The following EXOC4 variants were observed in gnomAD, a reference collection of about 807,000 sequenced individuals.
EXOC4 encodes the protein exocyst complex component 4, also known as SEC8-like 1.
A neutral mutation model predicts 107.2 loss-of-function variants in EXOC4; 71 were observed. That is an observed-to-expected ratio of 0.66 (90% CI 0.55 to 0.81). The LOEUF is 0.81. EXOC4 is among the 30% of genes least tolerant of loss of function. The pLI is 0.00. For missense variants in EXOC4, 1,108 were observed against 1,189.6 expected (o/e 0.93, Z 1.01); for synonymous variants, 456 against 441.2 (o/e 1.03, Z -0.42).
At chr7:133,871,581 T>G (rs1798753333) in intron 11 of EXOC4, among the ~76,000 whole-genome samples, 1 of 152,146 alleles carries the variant, frequency 6.6e-6, no homozygotes, top group South Asian at 2.1e-4. Context: ...CTAGGCTGCC[T>G]CTCCCTCCAT....
chr7:133,470,343 G>GT (rs1798840456), intron 7 of EXOC4, among the ~76,000 whole-genome samples: 1 of 152,170 alleles, frequency 6.6e-6, no homozygotes, highest in African/African-American at 2.4e-5. Flanking sequence ...ATGTTAGCAA[G>GT]TTATAAATCT....
intron 14 of EXOC4, among the ~76,000 whole-genome samples, chr7:133,969,945 G>A (rs1285109217): frequency 1.3e-5 from 2 of 152,218 alleles, no homozygotes; most frequent in African/African-American, 4.8e-5. Flanking sequence ...TTTTCCCACA[G>A]CTGCCCCTTC....
chr7:133,595,933 A>G (rs1485911475), intron 9 of EXOC4, among the ~76,000 whole-genome samples: 2 of 152,152 alleles, frequency 1.3e-5, no homozygotes, highest in Non-Finnish European at 2.9e-5. Context: ...GCCAAATACC[A>G]GATTCTGGCA....
the EXOC4 span, among the ~76,000 whole-genome samples, chr7:134,097,374 G>GAAA: frequency 1.4e-5 from 2 of 143,376 alleles, no homozygotes; most frequent in Admixed American, 6.9e-5. Flanking sequence ...GTTACAGATA[G>GAAA]AAAAAAAAAA....
chr7:133,915,228 G>A (rs1164443367), intron 12 of EXOC4, among the ~76,000 whole-genome samples: 2 of 128,714 alleles, frequency 1.6e-5, no homozygotes, highest in Non-Finnish European at 3.2e-5. Context: ...GGAATGCAGG[G>A]AAGAGATTCA....
the EXOC4 span, among the ~76,000 whole-genome samples, chr7:134,078,989 G>A: frequency 2.0e-5 from 3 of 152,160 alleles, no homozygotes; most frequent in South Asian, 2.1e-4. Flanking sequence ...TACATCATTC[G>A]CCCCACATCC....
intron 5 of EXOC4, among the ~76,000 whole-genome samples, chr7:133,321,732 T>C (rs1043191411): frequency 1.3e-5 from 2 of 152,242 alleles, no homozygotes; most frequent in Non-Finnish European, 2.9e-5. Flanking sequence ...TCTTTGGGTA[T>C]ATACCCAGTA....
intron 10 of EXOC4, among the ~76,000 whole-genome samples, chr7:133,776,535 A>G (rs2151167954): frequency 6.6e-6 from 1 of 152,322 alleles, no homozygotes; most frequent in East Asian, 1.9e-4. Flanking sequence ...CAGAATGTGA[A>G]TGATGGGTTG....
At chr7:133,421,863 T>C (rs1797615234) in intron 7 of EXOC4, among the ~76,000 whole-genome samples, 1 of 152,190 alleles carries the variant, frequency 6.6e-6, no homozygotes, top group African/African-American at 2.4e-5. Flanking sequence ...TGAATAGTCA[T>C]TGAGCATTTT....
At chr7:133,344,026 A>G (rs1795728450) in intron 5 of EXOC4, among the ~76,000 whole-genome samples, 1 of 152,076 alleles carries the variant, frequency 6.6e-6, no homozygotes, top group Admixed American at 6.6e-5. Flanking sequence ...TATGTTGCCC[A>G]GAATGGTCTC....
At chr7:133,499,388 T>C (rs562012472) in intron 9 of EXOC4, among the ~76,000 whole-genome samples, 28 of 152,270 alleles carry the variant, frequency 1.8e-4, no homozygotes, top group Middle Eastern at 3.4e-3. Flanking sequence ...GTAGCTTAGG[T>C]ATTTTCCCTT....
chr7:133,895,822 C>T, intron 12 of EXOC4, 87 bp downstream of exon 12: 1 of 1,402,822 alleles, frequency 7.1e-7, no homozygotes, highest in Non-Finnish European at 9.8e-7. Context: ...AGCCTAATTT[C>T]CAAAAGGATC....
chr7:133,596,341 G>A (rs561767872), intron 9 of EXOC4, among the ~76,000 whole-genome samples: 1 of 152,264 alleles, frequency 6.6e-6, no homozygotes, highest in African/African-American at 2.4e-5. Flanking sequence ...GGCTAACTTT[G>A]TTTTACAACT....
chr7:133,904,123 G>C (rs1391432733), intron 12 of EXOC4, among the ~76,000 whole-genome samples: 2 of 152,182 alleles, frequency 1.3e-5, no homozygotes, highest in African/African-American at 4.8e-5. Context: ...TGGCATAGTG[G>C]CTGGAGAAAT....
Position 133,286,303 on chromosome 7 carries a change from A to G in EXOC4, c.277-2619A>G, listed in dbSNP as rs139443329. On this transcript the variant is annotated intron_variant, in intron 2 of 17. Transcript: ENST00000253861. The stretch of plus-strand genomic sequence containing the variant: ...TTTTAATTTCTAATAGTTGTTTTTC[A>G]TTTCTTGAAAATGTTTATATCGTCC... Among the ~76,000 whole-genome samples, 548 of 152,052 alleles carry G rather than the reference A, an allele frequency of 3.6e-3. 5 individuals are homozygous for G. The highest frequency in any genetic ancestry group is 0.012 in the African/African-American group (513 of 41,482).
Position 133,885,562 on chromosome 7 carries a change from AG to A in EXOC4, c.1735-10036del, listed in dbSNP as rs1300907078. Among the ~76,000 whole-genome samples the A allele has an allele frequency of 1.0e-3, 155 of 152,332 alleles. 2 individuals carry two copies. Among genetic ancestry groups the A allele is most frequent in the Admixed American group, 9.3e-3 (143 of 15,302 alleles). On this transcript the variant is annotated intron_variant, in intron 11 of 17. Coordinates refer to ENST00000253861, the MANE Select transcript of EXOC4 (RefSeq NM_021807.4). Reference sequence around the variant, plus strand: ...ACAGGAATTAGCAGCCTAGTGGAAGAGATAGCCAATTGAACCAGTGATTACC... The same window carrying A: ...ACAGGAATTAGCAGCCTAGTGGAAGAATAGCCAATTGAACCAGTGATTACC...
At chr7:133,492,737 G>T (rs1799395905) in intron 9 of EXOC4, among the ~76,000 whole-genome samples, 1 of 151,794 alleles carries the variant, frequency 6.6e-6, no homozygotes. Context: ...TTTATTCCTT[G>T]ATGTACCCTG....
At chr7:133,288,006 G>C (rs1482627492) in intron 2 of EXOC4, among the ~76,000 whole-genome samples, 1 of 152,270 alleles carries the variant, frequency 6.6e-6, no homozygotes, top group East Asian at 1.9e-4. Context: ...GTACACTTGA[G>C]ATGCATTCAT....
At position 133,782,568 on chromosome 7, in the gene EXOC4, T is replaced by A. The variant is rs143011393; in HGVS notation, c.1515-34757T>A. On this transcript the variant is annotated intron_variant, in intron 10 of 17. Coordinates refer to ENST00000253861, the MANE Select transcript of EXOC4 (RefSeq NM_021807.4). ...AAGCTGTCAAAGGATAAGTTTCAAA[T>A]AAGGGCAGAAAAATGAACCCGACAT... 4.1e-3 allele frequency among the ~76,000 whole-genome samples: 631 copies of A among 152,314 alleles called. 4 individuals are homozygous for A. Among genetic ancestry groups the A allele is most frequent in the Middle Eastern group, 6.8e-3 (2 of 294 alleles).
Sources: gnomAD v4.1 joint callset for allele counts (sites outside exome capture counted in the v4.1 genomes callset) on GRCh38, gnomAD v4.1.1 for gene constraint, MANE v1.5 for transcripts, NCBI Gene and HGNC (gene_info 2026-07-23, HGNC 2026-07-21) for gene names.